WASF1: variants seen among roughly 807,000 people sequenced by gnomAD.
WASF1 encodes the protein actin-binding protein WASF1.
A neutral mutation model predicts 50.5 loss-of-function variants in WASF1; 7 were observed. That is an observed-to-expected ratio of 0.14 (90% CI 0.08 to 0.26). WASF1 has a LOEUF of 0.26. Among genes scored for constraint, WASF1 ranks in the 10% least tolerant of loss-of-function variants. The probability of loss-of-function intolerance (pLI) is 1.00; values close to 1 mark genes in which losing one functional copy is unlikely to be tolerated. For synonymous variants in WASF1, 205 were observed against 244.0 expected (o/e 0.84, Z 1.49); for missense variants, 470 against 694.7 (o/e 0.68, Z 3.64).
At chr6:110,147,187 A>T (rs1290392143) in intron 3 of WASF1, among the ~76,000 whole-genome samples, 2 of 151,988 alleles carry the variant, frequency 1.3e-5, no homozygotes, top group East Asian at 3.9e-4. Flanking sequence ...CTCTACTAAA[A>T]ATACAAAAAT....
At chr6:110,118,185 G>A (rs899286692) in intron 4 of WASF1, among the ~76,000 whole-genome samples, 54 of 151,592 alleles carry the variant, frequency 3.6e-4, no homozygotes, top group Middle Eastern at 3.4e-3. Context: ...ATGTAAATGG[G>A]CTAAATGCTC....
intron 5 of WASF1, among the ~76,000 whole-genome samples, chr6:110,111,576 T>C (rs1046794608): frequency 4.6e-5 from 7 of 152,190 alleles, no homozygotes; most frequent in Admixed American, 2.6e-4. Flanking sequence ...ATACTCAACA[T>C]CATTAGCCAT....
Position 110,101,777 on chromosome 6 carries a change from C to T in WASF1, c.1333G>A (p.Val445Ile). ...GAGGGAGGATGAGCAAGAGCTGTAA[C>T]TGTGACAGGTGATGATGGTCGAATG... ...PGIRPSSPVTVTALAHPPSGL... is the reference protein window; with the variant it reads ...PGIRPSSPVTITALAHPPSGL... Residue 445 changes from valine to isoleucine, a missense_variant, in exon 10 of 11, where the codon GTT (valine) becomes ATT (isoleucine). Physicochemically the swap from Val to Ile is conservative, Grantham distance 29. Around this residue, in one of 3 missense-constraint regions of WASF1, gnomAD observed 294 missense variants for 343.5 expected, o/e 0.86. Coordinates refer to ENST00000392589, the MANE Select transcript of WASF1 (RefSeq NM_003931.3). 1.2e-6 allele frequency: 2 copies of T among 1,614,082 alleles called. No homozygotes were observed. The highest frequency in any genetic ancestry group is 1.7e-6 in the Non-Finnish European group (2 of 1,180,010).
At chr6:110,164,553 T>G (rs916489563) in intron 2 of WASF1, among the ~76,000 whole-genome samples, 2 of 151,638 alleles carry the variant, frequency 1.3e-5, no homozygotes, top group African/African-American at 4.8e-5. Flanking sequence ...TCTAAAACAC[T>G]GGCAATACCA....
Position 110,130,129 on chromosome 6 carries a change from A to G in WASF1, c.-28-2500T>C, listed in dbSNP as rs573239801. Among the ~76,000 whole-genome samples, 34 of 152,364 alleles carry G rather than the reference A, an allele frequency of 2.2e-4. 1 individual carries two copies. The South Asian group carries it at 5.6e-3, about 25-fold the overall frequency. ...TCAACATGCTTTTAACAATTTTTGC[A>G]TAAATTTGTTTCCTCTGACCTATTT... On this transcript the variant is annotated intron_variant, in intron 3 of 10. Transcript: ENST00000392589.
At chr6:110,169,130 T>C (rs1776590031) in intron 2 of WASF1, among the ~76,000 whole-genome samples, 1 of 151,878 alleles carries the variant, frequency 6.6e-6, no homozygotes, top group African/African-American at 2.4e-5. Flanking sequence ...TTATACCTAG[T>C]TCTACACTTT....
chr6:110,164,476 T>C (rs901146452), intron 2 of WASF1, among the ~76,000 whole-genome samples: 4 of 151,652 alleles, frequency 2.6e-5, no homozygotes, highest in African/African-American at 9.7e-5. Flanking sequence ...ACATCATGCA[T>C]CATGTGTCAG....
At chr6:110,173,631 G>T (rs1269676060) in intron 2 of WASF1, among the ~76,000 whole-genome samples, 3 of 152,124 alleles carry the variant, frequency 2.0e-5, no homozygotes, top group African/African-American at 7.2e-5. Context: ...AGGTAACTAG[G>T]ATGTCTCTGG....
intron 2 of WASF1, among the ~76,000 whole-genome samples, chr6:110,174,693 G>C (rs1272926008): frequency 6.6e-6 from 1 of 152,130 alleles, no homozygotes; most frequent in African/African-American, 2.4e-5. Context: ...CATCTATACA[G>C]AATCTTGTAC....
chr6:110,102,016 G>A lies in WASF1; in HGVS notation c.1094C>T (p.Ala365Val), dbSNP rs1773113336. 1 of 1,554,026 alleles carries A rather than the reference G, an allele frequency of 6.4e-7. No individual in the cohort carries two copies. Residue 365 changes from alanine (A) to valine (V), a missense_variant, in exon 10 of 11, where the codon GCT (alanine) becomes GTT (valine). Transcript: ENST00000392589. The part of the protein sequence containing the change: ...PPPPPATALQ[A>V]PAVPPPPAPL... ...AGCTGGAGGTGGTGGTACTGCTGGA[G>A]CTTGCAAAGCAGTGGCTGGAGGTGG... is the stretch of plus-strand genomic sequence containing the variant.
intron 3 of WASF1, among the ~76,000 whole-genome samples, chr6:110,138,689 T>A (rs993806123): frequency 6.6e-6 from 1 of 152,164 alleles, no homozygotes; most frequent in African/African-American, 2.4e-5. Flanking sequence ...CCAAAGTGGG[T>A]AGCTCCTTCC....
At chr6:110,164,838 C>CATTA in intron 2 of WASF1, among the ~76,000 whole-genome samples, 1 of 151,412 alleles carries the variant, frequency 6.6e-6, no homozygotes, top group South Asian at 2.1e-4. Flanking sequence ...TGTGGTACAC[C>CATTA]CAAATAATGG....
chr6:110,123,657 A>G (rs1774238139), intron 4 of WASF1, among the ~76,000 whole-genome samples: 2 of 152,198 alleles, frequency 1.3e-5, no homozygotes, highest in South Asian at 4.1e-4. Flanking sequence ...AGCTCTTAAT[A>G]TAAGGTAAGA....
rs886749372 is a variant in WASF1, at chr6:110,150,771, C to G, written c.-29+9864G>C. 2.0e-5 allele frequency among the ~76,000 whole-genome samples: 3 copies of G among 152,214 alleles called. No individual in the cohort carries two copies. The South Asian group carries it at 6.2e-4, about 31-fold the overall frequency. Reference sequence around the variant, plus strand: ...AGTAAAAGGGCTGGGCACAGTGGCTCACGCCTGTAATCACAGCACTTTGGG... The same window carrying G: ...AGTAAAAGGGCTGGGCACAGTGGCTGACGCCTGTAATCACAGCACTTTGGG... On this transcript the variant is annotated intron_variant, in intron 3 of 10. Coordinates refer to ENST00000392589, the MANE Select transcript of WASF1 (RefSeq NM_003931.3).
intron 3 of WASF1, among the ~76,000 whole-genome samples, chr6:110,147,431 C>G (rs1267646412): frequency 6.6e-6 from 1 of 151,334 alleles, no homozygotes; most frequent in Non-Finnish European, 1.5e-5. Flanking sequence ...GAAAATAACA[C>G]ATTGCTAAGC....
intron 3 of WASF1, among the ~76,000 whole-genome samples, chr6:110,148,098 A>G (rs17071283): frequency 0.033 from 5,007 of 152,318 alleles, 149 homozygotes; most frequent in South Asian, 0.12. Flanking sequence ...AGTTTGAGGC[A>G]TCTAAACCAC....
At chr6:110,108,081 T>C (rs986060152) in intron 6 of WASF1, among the ~76,000 whole-genome samples, 1 of 123,914 alleles carries the variant, frequency 8.1e-6, no homozygotes, top group Non-Finnish European at 1.5e-5. Flanking sequence ...GAAAATGACA[T>C]GAACCTGGGA....
intron 3 of WASF1, among the ~76,000 whole-genome samples, chr6:110,158,436 T>C (rs1776117772): frequency 7.1e-6 from 1 of 140,440 alleles, no homozygotes; most frequent in African/African-American, 2.8e-5. Context: ...GTCTATTTGA[T>C]TCTTCTCTCT....
At chr6:110,138,859 C>A (rs1323834099) in intron 3 of WASF1, among the ~76,000 whole-genome samples, 2 of 152,154 alleles carry the variant, frequency 1.3e-5, no homozygotes, top group Non-Finnish European at 2.9e-5. Context: ...ACTGAGAGCC[C>A]AGCCCCCAGG....
Sources: gnomAD v4.1 joint callset for allele counts (sites outside exome capture counted in the v4.1 genomes callset) on GRCh38, gnomAD v4.1.1 for gene constraint, gnomAD v4.1.1 regional missense constraint, MANE v1.5 for transcripts, NCBI Gene and HGNC (gene_info 2026-07-23, HGNC 2026-07-21) for gene names.